C7: variants seen among roughly 807,000 people sequenced by gnomAD.
C7 encodes complement C7.
A neutral mutation model predicts 104.8 loss-of-function variants in C7; 83 were observed. The observed-to-expected ratio is 0.79, with a 90% confidence interval of 0.66 to 0.95. The LOEUF (loss-of-function observed/expected upper bound fraction) is 0.95, where lower values mean the gene tolerates loss of function less well. Among genes scored for constraint, C7 ranks in the 40% least tolerant of loss-of-function variants. The pLI is 0.00. For synonymous variants in C7, 415 were observed against 360.6 expected (o/e 1.15, Z -1.71); for missense variants, 1,070 against 1,011.2 (o/e 1.06, Z -0.79).
chr5:40,942,030 G>C (rs1739951601), intron 6 of C7, among the ~76,000 whole-genome samples: 1 of 152,212 alleles, frequency 6.6e-6, no homozygotes, highest in African/African-American at 2.4e-5. Context: ...AGTATTTCCA[G>C]TAGGAGAGAG....
intron 7 of C7, among the ~76,000 whole-genome samples, chr5:40,945,964 A>G (rs1740039649): frequency 6.7e-6 from 1 of 149,178 alleles, no homozygotes; most frequent in Admixed American, 6.7e-5. Context: ...TTTTATTTGA[A>G]GATGTTTACA....
chr5:40,918,320 A>G (rs2111616400), intron 1 of C7, among the ~76,000 whole-genome samples: 1 of 151,718 alleles, frequency 6.6e-6, no homozygotes, highest in Admixed American at 6.6e-5. Flanking sequence ...TGATCACACT[A>G]CCGCACTCCA....
At chr5:40,946,275 A>G (rs955092440) in intron 7 of C7, among the ~76,000 whole-genome samples, 3 of 152,210 alleles carry the variant, frequency 2.0e-5, no homozygotes, top group African/African-American at 7.2e-5. Flanking sequence ...TCTGAACAGT[A>G]GAGATGGATT....
At position 40,945,239 on chromosome 5, in the gene C7, T is replaced by C; in HGVS notation, c.609T>C (p.Ser203=). The C allele has an allele frequency of 1.3e-6, 2 of 1,546,152 alleles. No homozygotes were observed. Among genetic ancestry groups the C allele is most frequent in the Non-Finnish European group, 1.8e-6 (2 of 1,140,014 alleles). The change falls in exon 7 of 18, where the codon AGT becomes AGC. Residue 203 remains serine (S), a synonymous_variant. Coordinates refer to ENST00000313164, the MANE Select transcript of C7 (RefSeq NM_000587.4). ...NNDFNYEFYN[S]TWSYVKHTST... ...ATTTTAATTATGAATTTTACAATAG[T>C]ACTTGGTCTTATGTAAAACATACGT... is the stretch of plus-strand genomic sequence containing the variant.
At chr5:40,975,074 T>C (rs540239016) in intron 15 of C7, among the ~76,000 whole-genome samples, 4 of 152,346 alleles carry the variant, frequency 2.6e-5, no homozygotes, top group African/African-American at 9.6e-5. Flanking sequence ...TGAGAAGCAC[T>C]GATGTAGATA....
chr5:40,945,095 A>T, intron 6 of C7, 103 bp from the exon 7 acceptor site: 1 of 644,548 alleles, frequency 1.6e-6, no homozygotes, highest in Non-Finnish European at 2.7e-6. Flanking sequence ...GCTTTGTGCC[A>T]ATGAAGAGCT....
Position 40,958,883 on chromosome 5 carries a change from C to A in C7, c.1490-566C>A, listed in dbSNP as rs529000013. ...TTGATTCCTTTCTTTATTCCCAGAG[C>A]TTGACAAAAGGCTTGATTCATAGAA... On this transcript the variant is annotated intron_variant, in intron 11 of 17. Coordinates refer to ENST00000313164, the MANE Select transcript of C7 (RefSeq NM_000587.4). 2.0e-5 allele frequency among the ~76,000 whole-genome samples: 3 copies of A among 152,244 alleles called. 1 individual carries two copies. In the South Asian group the frequency reaches 6.2e-4, roughly 32 times the overall value.
In C7 at chr5:40,961,172, G is replaced by T. The variant is rs112988594; in HGVS notation, c.1662-913G>T. On this transcript the variant is annotated intron_variant, in intron 12 of 17. Transcript: ENST00000313164. Reference sequence around the variant, plus strand: ...GCCTAATTGACTATACGTAAATCCAGCTTTGGTATTTATTAGTTCATAATC... The same window carrying T: ...GCCTAATTGACTATACGTAAATCCATCTTTGGTATTTATTAGTTCATAATC... Among the ~76,000 whole-genome samples the T allele has an allele frequency of 1.7e-3, 255 of 152,286 alleles. 1 individual carries two copies. Among genetic ancestry groups the T allele is most frequent in the African/African-American group, 5.9e-3 (244 of 41,562 alleles).
chr5:40,964,783 A>T lies in C7; in HGVS notation c.1792A>T (p.Thr598Ser), dbSNP rs60714178. The change falls in exon 14 of 18, where the codon ACT becomes TCT. Residue 598 changes from threonine (T) to serine (S), a missense_variant. Thr to Ser is a moderately conservative substitution (Grantham distance 58). Coordinates refer to ENST00000313164, the MANE Select transcript of C7 (RefSeq NM_000587.4). Reference sequence around the variant, plus strand: ...TCCTGTGGGGAAAAATGTAGTGTACACTTGCAATGAAGGATACTCTCTTAT... The same window carrying T: ...TCCTGTGGGGAAAAATGTAGTGTACTCTTGCAATGAAGGATACTCTCTTAT... ...MFPVGKNVVY[T>S]CNEGYSLIGN... 225,024 of 1,612,242 alleles carry T rather than the reference A, an allele frequency of 0.14. 17,519 individuals are homozygous for T. Among genetic ancestry groups the T allele is most frequent in the Non-Finnish European group, 0.16 (187,352 of 1,178,414 alleles).
chr5:40,939,750 G>A (rs1739895712), intron 6 of C7, among the ~76,000 whole-genome samples: 1 of 152,178 alleles, frequency 6.6e-6, no homozygotes, highest in African/African-American at 2.4e-5. Flanking sequence ...ACAGAGCAGA[G>A]AAAATAATAA....
At chr5:40,946,348 G>A (rs1201591303) in intron 7 of C7, among the ~76,000 whole-genome samples, 2 of 152,160 alleles carry the variant, frequency 1.3e-5, no homozygotes, top group African/African-American at 4.8e-5. Flanking sequence ...TTCACAATCT[G>A]CACATTTCAT....
chr5:40,969,666 C>CTAGTT (rs1740648145), intron 14 of C7, among the ~76,000 whole-genome samples: 1 of 152,026 alleles, frequency 6.6e-6, no homozygotes, highest in Admixed American at 6.6e-5. Flanking sequence ...GGACTGGACT[C>CTAGTT]TAGTTTTTAA....
At chr5:40,912,586 T>G (rs537520299) in intron 1 of C7, among the ~76,000 whole-genome samples, 2 of 147,840 alleles carry the variant, frequency 1.4e-5, no homozygotes, top group Non-Finnish European at 2.9e-5. Flanking sequence ...CTCAAATTCC[T>G]GGGCTCAAGT....
intron 1 of C7, among the ~76,000 whole-genome samples, chr5:40,927,033 C>T (rs1739567946): frequency 6.6e-6 from 1 of 152,060 alleles, no homozygotes; most frequent in South Asian, 2.1e-4. Context: ...CATCATGATC[C>T]TGGCAAAACA....
chr5:40,959,412 T>C (rs1377789393), intron 11 of C7, 37 bp from the exon 12 acceptor site: 1 of 1,584,260 alleles, frequency 6.3e-7, no homozygotes, highest in Admixed American at 1.8e-5. Flanking sequence ...AAGCCCTCTT[T>C]AAGAACTTAT....
intron 14 of C7, among the ~76,000 whole-genome samples, chr5:40,969,470 T>C (rs1579873072): frequency 6.6e-6 from 1 of 152,228 alleles, no homozygotes; most frequent in South Asian, 2.1e-4. Context: ...TTTAATTGAA[T>C]GTCAGACTTT....
chr5:40,929,537 G>A (rs1187759116), intron 2 of C7, among the ~76,000 whole-genome samples: 1 of 152,132 alleles, frequency 6.6e-6, no homozygotes, highest in East Asian at 1.9e-4. Flanking sequence ...AGAGTAACCT[G>A]ACCCTCTTAA....
chr5:40,938,978 TAGC>T (rs1413840983), intron 6 of C7, among the ~76,000 whole-genome samples: 1 of 152,194 alleles, frequency 6.6e-6, no homozygotes, highest in Non-Finnish European at 1.5e-5. Context: ...CATCGGGTGT[TAGC>T]TTCTTTCTTG....
chr5:40,941,119 A>C (rs11738230), intron 6 of C7, among the ~76,000 whole-genome samples: 22,499 of 149,912 alleles, frequency 0.15, 1,718 homozygotes, highest in Non-Finnish European at 0.17. Context: ...GCTGGAGTGC[A>C]GTCGTGTGAT....
Sources: allele counts gnomAD v4.1 joint callset (sites outside exome capture counted in the v4.1 genomes callset), GRCh38; gene constraint gnomAD v4.1.1; transcripts MANE v1.5; gene names NCBI Gene and HGNC (gene_info 2026-07-23, HGNC 2026-07-21).